Variants in AKIRIN2 observed in about 807,000 individuals in gnomAD.
AKIRIN2 encodes the protein akirin 2, also known as akirin-2.
AKIRIN2 carries 6 observed loss-of-function variants against 29.3 expected under a neutral mutation model. The observed-to-expected ratio is 0.20, with a 90% CI of 0.11 to 0.40. The LOEUF is 0.40. AKIRIN2 is among the 10% of genes least tolerant of loss of function. The pLI, the probability that AKIRIN2 is intolerant of heterozygous loss-of-function variation, is 1.00. For synonymous variants in AKIRIN2, 128 were observed against 117.5 expected, an observed-to-expected ratio of 1.09 and a Z score of -0.58; for missense variants, 210 against 276.1, an observed-to-expected ratio of 0.76 and a Z score of 1.70.
intron 1 of AKIRIN2, chr6:87,700,984 G>A (rs990419093): frequency 3.6e-5 from 5 of 138,392 alleles, no homozygotes; most frequent in African/African-American, 1.1e-4. Context: ...TGAACTGAAG[G>A]AGGGGCTGTA....
rs146909980 is a variant in AKIRIN2 at position 87,698,308 on chromosome 6, C to T, written c.235+3142G>A. ...CACCAGAGAGCAAATATGGAGTTTT[C>T]GGGGCAATATACTGTGTGTGACAAC... On this transcript the variant is annotated intron_variant, in intron 1 of 4. Transcript: ENST00000257787. 5.1e-3 allele frequency among the ~76,000 whole-genome samples: 771 copies of T among 150,784 alleles called. 23 individuals are homozygous for T. The highest frequency in any genetic ancestry group is 0.047 in the Admixed American group (705 of 15,118).
At chr6:87,697,284 G>A (rs1409116350) in intron 1 of AKIRIN2, among the ~76,000 whole-genome samples, 2 of 147,222 alleles carry the variant, frequency 1.4e-5, no homozygotes, top group Non-Finnish European at 3.0e-5. Context: ...CTGCACTCCA[G>A]CCTGAGTAAG....
intron 1 of AKIRIN2, among the ~76,000 whole-genome samples, chr6:87,684,505 C>T (rs548781798): frequency 6.6e-6 from 1 of 152,158 alleles, no homozygotes; most frequent in Admixed American, 6.5e-5. Context: ...AAAAACTTCT[C>T]TTGGGCTTCT....
At chr6:87,698,077 T>C (rs1327466985) in intron 1 of AKIRIN2, among the ~76,000 whole-genome samples, 2 of 152,208 alleles carry the variant, frequency 1.3e-5, no homozygotes, top group Non-Finnish European at 2.9e-5. Context: ...CAAAAACCAA[T>C]AGTAAAGCAT....
At chr6:87,699,896 T>C (rs1302754766) in intron 1 of AKIRIN2, among the ~76,000 whole-genome samples, 4 of 152,210 alleles carry the variant, frequency 2.6e-5, no homozygotes, top group Admixed American at 1.3e-4. Flanking sequence ...GCTGGTTAGC[T>C]CCTTAATGAC....
At chr6:87,686,844 G>A (rs904225092) in intron 1 of AKIRIN2, among the ~76,000 whole-genome samples, 6 of 151,796 alleles carry the variant, frequency 4.0e-5, no homozygotes, top group Admixed American at 3.9e-4. Context: ...TCAGGAGTTC[G>A]AGATCAGGCT....
intron 3 of AKIRIN2, among the ~76,000 whole-genome samples, chr6:87,677,043 C>T (rs1420515079): frequency 3.3e-5 from 5 of 150,512 alleles, no homozygotes; most frequent in Admixed American, 1.3e-4. Context: ...CGCCACTGCA[C>T]TCCAGCCTTG....
At chr6:87,683,001 G>A (rs2128301422) in intron 1 of AKIRIN2, among the ~76,000 whole-genome samples, 1 of 152,200 alleles carries the variant, frequency 6.6e-6, no homozygotes, top group South Asian at 2.1e-4. Context: ...GGTTTTCGTA[G>A]ATAACCACCA....
At chr6:87,678,266 G>A (rs1771058217) in intron 2 of AKIRIN2, among the ~76,000 whole-genome samples, 1 of 152,178 alleles carries the variant, frequency 6.6e-6, no homozygotes, top group South Asian at 2.1e-4. Flanking sequence ...ATCAGGCCGA[G>A]GTGGGCGGAT....
chr6:87,686,499 T>C (rs17455835), intron 1 of AKIRIN2, among the ~76,000 whole-genome samples: 6,032 of 152,136 alleles, frequency 0.04, 164 homozygotes, highest in Non-Finnish European at 0.06. Context: ...CTAGGGTCCA[T>C]AAATTTAAGT....
chr6:87,675,823 T>C (rs779484142), intron 4 of AKIRIN2, 37 bp downstream of exon 4: 2 of 1,578,190 alleles, frequency 1.3e-6, no homozygotes, highest in South Asian at 2.3e-5. Context: ...AAGACAGTCT[T>C]ATTTTCAGTT....
intron 1 of AKIRIN2, among the ~76,000 whole-genome samples, chr6:87,688,234 C>T (rs936239017): frequency 2.6e-5 from 4 of 152,012 alleles, no homozygotes; most frequent in Non-Finnish European, 4.4e-5. Context: ...TGGGTTCAAG[C>T]GATTCTTCTG....
chr6:87,681,181 G>A (rs552623352), intron 2 of AKIRIN2, among the ~76,000 whole-genome samples: 1 of 152,108 alleles, frequency 6.6e-6, no homozygotes, highest in Non-Finnish European at 1.5e-5. Context: ...GGGACTACAG[G>A]CGCGTGCCAC....
intron 1 of AKIRIN2, among the ~76,000 whole-genome samples, chr6:87,685,742 C>T (rs887652888): frequency 1.3e-4 from 20 of 152,272 alleles, no homozygotes; most frequent in Admixed American, 1.3e-3. Flanking sequence ...ATCCTAAAAA[C>T]TACCTTACTC....
chr6:87,694,887 T>C (rs1248994545), intron 1 of AKIRIN2, among the ~76,000 whole-genome samples: 4 of 152,182 alleles, frequency 2.6e-5, no homozygotes, highest in Non-Finnish European at 5.9e-5. Context: ...TACTGTAAAA[T>C]TCTGATTAAT....
intron 1 of AKIRIN2, among the ~76,000 whole-genome samples, chr6:87,687,354 C>A (rs541474835): frequency 2.1e-3 from 319 of 149,916 alleles, no homozygotes; most frequent in African/African-American, 7.2e-3. Flanking sequence ...ACCAGCCTGA[C>A]CAACTCCAAG....
At chr6:87,688,821 A>T (rs1771233151) in intron 1 of AKIRIN2, among the ~76,000 whole-genome samples, 1 of 152,180 alleles carries the variant, frequency 6.6e-6, no homozygotes, top group South Asian at 2.1e-4. Context: ...AAAACCCAAC[A>T]TGTGCATGCT....
At chr6:87,696,595 G>C (rs1029925733) in intron 1 of AKIRIN2, among the ~76,000 whole-genome samples, 3 of 150,618 alleles carry the variant, frequency 2.0e-5, no homozygotes, top group Non-Finnish European at 4.4e-5. Flanking sequence ...CAACTACTTG[G>C]TAGGCTGAGG....
chr6:87,702,222 T>A lies in AKIRIN2; in HGVS notation c.-538A>T. On this transcript the variant is annotated 5_prime_UTR_variant, in exon 1 of 5. Coordinates refer to ENST00000257787, the MANE Select transcript of AKIRIN2 (RefSeq NM_018064.4). Reference sequence around the variant, plus strand: ...AACACGTCCAACCGCTTCCCCTCCCTCGTAGAACTCTCCCACCCGCCGCCG... The same window carrying A: ...AACACGTCCAACCGCTTCCCCTCCCACGTAGAACTCTCCCACCCGCCGCCG... The A allele has an allele frequency of 2.5e-6, 1 of 397,280 alleles. No individual in the cohort carries two copies. 24.6% of individuals were successfully genotyped at this position (397,280 alleles called of 1,614,324 possible). A position where few individuals can be genotyped will look rare whatever the true frequency, so the allele number is the denominator to read the frequency against.
Sources: allele counts gnomAD v4.1 joint callset (sites outside exome capture counted in the v4.1 genomes callset), GRCh38; gene constraint gnomAD v4.1.1; transcripts MANE v1.5; gene names NCBI Gene and HGNC (gene_info 2026-07-23, HGNC 2026-07-21).